Variants in SPACA7 observed in about 807,000 individuals in gnomAD.
The protein encoded by SPACA7 is sperm acrosome associated 7.
Under a neutral mutation model 26.3 loss-of-function variants are expected in SPACA7, and 19 were observed. The ratio of observed to expected loss-of-function variants is 0.72; its 90% CI spans 0.50 to 1.06. The LOEUF (loss-of-function observed/expected upper bound fraction) is 1.06, where lower values mean the gene tolerates loss of function less well. Ranked by LOEUF, SPACA7 falls within the 50% of genes least tolerant of loss-of-function variation. The pLI is 0.00. For missense variants in SPACA7, 211 were observed against 229.9 expected (o/e 0.92, Z 0.53); for synonymous variants, 84 against 84.5 (o/e 0.99, Z 0.04).
intron 5 of SPACA7, among the ~76,000 whole-genome samples, chr13:112,419,820 G>A (rs931342535): frequency 6.6e-6 from 1 of 152,208 alleles, no homozygotes; most frequent in African/African-American, 2.4e-5. Context: ...GGCCTAGCAG[G>A]GAGTAACCAG....
At chr13:112,432,621 G>C in intron 6 of SPACA7, 100 bp downstream of exon 6, 1 of 893,304 alleles carries the variant, frequency 1.1e-6, no homozygotes, top group East Asian at 2.5e-5. Context: ...GAGCAGGTGA[G>C]CCCAGCCCCC....
chr13:112,402,954 GT>G (rs1237463629), intron 5 of SPACA7, among the ~76,000 whole-genome samples: 9 of 151,498 alleles, frequency 5.9e-5, no homozygotes, highest in South Asian at 2.1e-4. Flanking sequence ...TATGGTTGGG[GT>G]TTTTTTTAAA....
chr13:112,397,063 T>A (rs1885317526), intron 2 of SPACA7, among the ~76,000 whole-genome samples: 2 of 152,210 alleles, frequency 1.3e-5, no homozygotes, highest in South Asian at 4.1e-4. Flanking sequence ...CCCAGCTCTG[T>A]GAGTGAGAAA....
At chr13:112,405,306 A>C (rs1885916037) in intron 5 of SPACA7, among the ~76,000 whole-genome samples, 1 of 151,906 alleles carries the variant, frequency 6.6e-6, no homozygotes, top group South Asian at 2.1e-4. Context: ...AGACCTCAGT[A>C]ATTCTTTTAT....
chr13:112,425,583 T>C (rs1876461360), intron 5 of SPACA7, among the ~76,000 whole-genome samples: 3 of 152,134 alleles, frequency 2.0e-5, no homozygotes, highest in African/African-American at 7.2e-5. Context: ...AGAGTGTAAG[T>C]ATGAAACCGT....
At chr13:112,416,291 T>G (rs1886690158) in intron 5 of SPACA7, among the ~76,000 whole-genome samples, 3 of 147,722 alleles carry the variant, frequency 2.0e-5, no homozygotes, top group Admixed American at 1.4e-4. Context: ...TGTTGTTGTT[T>G]GTTGTTGTTG....
chr13:112,411,597 C>T (rs1421944652), intron 5 of SPACA7, among the ~76,000 whole-genome samples: 1 of 152,092 alleles, frequency 6.6e-6, no homozygotes, highest in Non-Finnish European at 1.5e-5. Flanking sequence ...TTCCTTCTCC[C>T]CTTTTACCTT....
At chr13:112,413,475 AT>A (rs1566479538) in intron 5 of SPACA7, among the ~76,000 whole-genome samples, 1 of 151,476 alleles carries the variant, frequency 6.6e-6, no homozygotes, top group Non-Finnish European at 1.5e-5. Flanking sequence ...TTCTTTAGAT[AT>A]TATTTGATTA....
chr13:112,415,159 G>A (rs942341964), intron 5 of SPACA7, among the ~76,000 whole-genome samples: 14 of 152,150 alleles, frequency 9.2e-5, no homozygotes, highest in South Asian at 2.1e-4. Flanking sequence ...ACTTCCCTCT[G>A]TTTCCCCATA....
At chr13:112,409,343 A>G (rs1886196109) in intron 5 of SPACA7, among the ~76,000 whole-genome samples, 1 of 152,248 alleles carries the variant, frequency 6.6e-6, no homozygotes, top group Non-Finnish European at 1.5e-5. Context: ...AGCAATGGCA[A>G]CAAAAGCCAA....
At chr13:112,397,716 C>T (rs1885367858) in intron 2 of SPACA7, among the ~76,000 whole-genome samples, 1 of 152,186 alleles carries the variant, frequency 6.6e-6, no homozygotes, top group South Asian at 2.1e-4. Context: ...GGGAGAGCCT[C>T]AGAGATGGGA....
chr13:112,431,132 G>A (rs1311251927), intron 5 of SPACA7, among the ~76,000 whole-genome samples: 1 of 152,084 alleles, frequency 6.6e-6, no homozygotes, highest in African/African-American at 2.4e-5. Flanking sequence ...TTGTTCAATG[G>A]GCTTGTGTCC....
chr13:112,378,618 T>C (rs1883844637), intron 1 of SPACA7: 3 of 469,408 alleles, frequency 6.4e-6, no homozygotes, highest in Non-Finnish European at 1.3e-5. Flanking sequence ...ACCTAAAGAC[T>C]TGGGTGAATT....
chr13:112,416,894 G>A (rs1383705452), intron 5 of SPACA7, among the ~76,000 whole-genome samples: 6 of 151,384 alleles, frequency 4.0e-5, no homozygotes, highest in African/African-American at 1.5e-4. Context: ...GTTTGATGAA[G>A]CTCATCCTGT....
At chr13:112,386,375 A>C (rs575643401) in intron 1 of SPACA7, among the ~76,000 whole-genome samples, 1 of 152,346 alleles carries the variant, frequency 6.6e-6, no homozygotes, top group Admixed American at 6.5e-5. Flanking sequence ...TGATACCCCC[A>C]AAACTCAAAA....
chr13:112,398,181 G>T (rs745384167), intron 3 of SPACA7, 43 bp downstream of exon 3: 2 of 1,444,214 alleles, frequency 1.4e-6, no homozygotes, highest in Admixed American at 3.4e-5. Flanking sequence ...CCCTCTAATT[G>T]CCCTTATTCC....
chr13:112,379,759 G>C (rs901147070), intron 1 of SPACA7, among the ~76,000 whole-genome samples: 4 of 152,038 alleles, frequency 2.6e-5, no homozygotes, highest in African/African-American at 9.7e-5. Context: ...TGGCCCTCTG[G>C]GAAATCTCAA....
At chr13:112,417,234 CTGT>C (rs1254662041) in intron 5 of SPACA7, among the ~76,000 whole-genome samples, 1 of 152,002 alleles carries the variant, frequency 6.6e-6, no homozygotes, top group Non-Finnish European at 1.5e-5. Context: ...GTTAATGCTG[CTGT>C]TGTTTTCTTC....
chr13:112,391,081 C>A (rs1353727168), intron 1 of SPACA7, among the ~76,000 whole-genome samples: 3 of 152,184 alleles, frequency 2.0e-5, no homozygotes, highest in Non-Finnish European at 4.4e-5. Context: ...TCTTGTTTTC[C>A]AGAGCTGGCT....
Sources: gnomAD v4.1 joint callset for allele counts (sites outside exome capture counted in the v4.1 genomes callset) on GRCh38, gnomAD v4.1.1 for gene constraint, MANE v1.5 for transcripts, NCBI Gene and HGNC (gene_info 2026-07-23, HGNC 2026-07-21) for gene names.